ACTL6B: variants seen among roughly 807,000 people sequenced by gnomAD.
The protein encoded by ACTL6B is actin-like protein 6B.
ACTL6B carries 48 observed loss-of-function variants against 63.3 expected under a neutral mutation model. The observed-to-expected ratio is 0.76, with a 90% CI of 0.60 to 0.96. The LOEUF (loss-of-function observed/expected upper bound fraction) is 0.96, where lower values mean the gene tolerates loss of function less well. ACTL6B is among the 50% of genes least tolerant of loss of function. The pLI, the probability that ACTL6B is intolerant of heterozygous loss-of-function variation, is 0.00. For missense variants in ACTL6B, 350 were observed against 572.2 expected (o/e 0.61, Z 3.96); for synonymous variants, 230 against 223.8 (o/e 1.03, Z -0.25).
chr7:100,655,785 G>A lies in ACTL6B; in HGVS notation c.102+18C>T. Reference sequence around the variant, plus strand: ...GTCCGAAGCCCCTAGGATTTGGAGAGGAGACTGGAAGGCTCACCTTGGGAC... The same window carrying A: ...GTCCGAAGCCCCTAGGATTTGGAGAAGAGACTGGAAGGCTCACCTTGGGAC... On this transcript the variant is annotated intron_variant, in intron 2 of 13. Coordinates refer to ENST00000160382, the MANE Select transcript of ACTL6B (RefSeq NM_016188.5). The surrounding 1 kb of genome is among the most constrained non-coding windows in gnomAD (Gnocchi z 4.4). 6.4e-7 allele frequency: 1 copy of A among 1,559,494 alleles called. No individual in the cohort carries two copies. Among genetic ancestry groups the A allele is most frequent in the Non-Finnish European group, 8.7e-7 (1 of 1,151,300 alleles).
chr7:100,649,165 C>T (rs1168402918), intron 5 of ACTL6B, among the ~76,000 whole-genome samples: 1 of 150,894 alleles, frequency 6.6e-6, no homozygotes, highest in African/African-American at 2.4e-5. Context: ...GCCAATTTTT[C>T]GTATTTTTAG....
intron 5 of ACTL6B, among the ~76,000 whole-genome samples, chr7:100,649,646 C>T (rs767460970): frequency 5.9e-5 from 9 of 152,180 alleles, no homozygotes; most frequent in African/African-American, 1.2e-4. Context: ...AAATTAGGGT[C>T]GCTATCACCC....
chr7:100,652,914 T>TGG (rs1803967022), intron 4 of ACTL6B, among the ~76,000 whole-genome samples: 7 of 131,496 alleles, frequency 5.3e-5, no homozygotes, highest in African/African-American at 2.0e-4. Flanking sequence ...GGCAGGAGAA[T>TGG]CACTTGAACC....
chr7:100,655,367 T>G lies in ACTL6B; in HGVS notation c.268+54A>C. 9 of 1,574,668 alleles carry G rather than the reference T, an allele frequency of 5.7e-6. No homozygotes were observed. Among genetic ancestry groups the G allele is most frequent in the Non-Finnish European group, 7.8e-6 (9 of 1,156,846 alleles). ...GGAGTGGGGGCTGCTATGACCCAGA[T>G]TGTGGGGAGCGGGCTCCTTTTCTGT... On this transcript the variant is annotated intron_variant, in intron 3 of 13. Transcript: ENST00000160382. The surrounding 1 kb of genome is among the most constrained non-coding windows in gnomAD (Gnocchi z 4.4).
intron 13 of ACTL6B, 60 bp from the exon 14 acceptor site, chr7:100,643,386 G>A (rs1803759510): frequency 1.3e-6 from 2 of 1,574,930 alleles, no homozygotes; most frequent in Admixed American, 1.7e-5. Context: ...TGGACAGGCA[G>A]GTGCAGCCCC....
intron 13 of ACTL6B, among the ~76,000 whole-genome samples, chr7:100,644,180 G>T (rs759442778): frequency 1.3e-5 from 2 of 152,186 alleles, no homozygotes; most frequent in African/African-American, 2.4e-5. Flanking sequence ...GATTACAAGC[G>T]TGAGCCACCG....
Position 100,649,678 on chromosome 7 carries a change from A to G in ACTL6B, c.467+360T>C, listed in dbSNP as rs1032787461. ...ACCCCAGTGCATAGCACAGGGTTCA[A>G]TGCAAGGCAGATCCTAAAAACAGTC... is the stretch of plus-strand genomic sequence containing the variant. On this transcript the variant is annotated intron_variant, in intron 5 of 13. Coordinates refer to ENST00000160382, the MANE Select transcript of ACTL6B (RefSeq NM_016188.5). Among the ~76,000 whole-genome samples the G allele has an allele frequency of 3.9e-5, 6 of 152,220 alleles. No individual in the cohort carries two copies. The East Asian group carries it at 1.2e-3, about 29-fold the overall frequency.
intron 4 of ACTL6B, among the ~76,000 whole-genome samples, chr7:100,651,422 G>A (rs1046329553): frequency 6.6e-6 from 1 of 151,802 alleles, no homozygotes. Flanking sequence ...GTGATGGGAG[G>A]TGCCTGTAAT....
chr7:100,646,255 G>C lies in ACTL6B; in HGVS notation c.1194C>G (p.Ala398=), dbSNP rs777230867. Residue 398 remains alanine, a synonymous_variant, in exon 13 of 14, where the codon GCC becomes GCG. Transcript: ENST00000160382. The surrounding 1 kb of genome is among the most constrained non-coding windows in gnomAD (Gnocchi z 6.1). ...FSPWIGGSIL[A]SLGTFQQMWI... ...CAGGTCCCTTTCCTCTCACCAGTGA[G>C]GCCAGGATGGAACCCCCGATCCAGG... 6.8e-6 allele frequency: 11 copies of C among 1,614,134 alleles called. No homozygotes were observed. In the South Asian group the frequency reaches 1.1e-4, roughly 16 times the overall value.
intron 4 of ACTL6B, among the ~76,000 whole-genome samples, chr7:100,654,276 A>G (rs182045200): frequency 6.6e-6 from 1 of 151,380 alleles, no homozygotes; most frequent in African/African-American, 2.4e-5. Flanking sequence ...CCGGCAAAAA[A>G]TTTTTAATTT....
intron 4 of ACTL6B, among the ~76,000 whole-genome samples, chr7:100,650,811 T>C (rs1353494038): frequency 2.6e-5 from 4 of 151,274 alleles, no homozygotes; most frequent in Non-Finnish European, 1.5e-5. Flanking sequence ...AGATGGAAAA[T>C]ATAAGAGAAA....
Position 100,652,999 on chromosome 7 carries a change from C to CAAAAAAAAAAAA in ACTL6B, c.369+2008_369+2019dup, listed in dbSNP as rs58707737. Among the ~76,000 whole-genome samples, 8 of 25,946 alleles carry CAAAAAAAAAAAA rather than the reference C, an allele frequency of 3.1e-4. 1 individual carries two copies. Among genetic ancestry groups the CAAAAAAAAAAAA allele is most frequent in the Admixed American group, 7.5e-4 (1 of 1,332 alleles). 17.0% of individuals were successfully genotyped at this position (25,946 alleles called of 152,430 possible). A position where few individuals can be genotyped will look rare whatever the true frequency, so the allele number is the denominator to read the frequency against. ...CTGGTGACAGAGCAAAACTCCGTCT[C>CAAAAAAAAAAAA]AAAAAAAAAAAAAAAAAAAAAAAAA... is the stretch of plus-strand genomic sequence containing the variant. On this transcript the variant is annotated intron_variant, in intron 4 of 13. Transcript: ENST00000160382.
chr7:100,647,802 A>G lies in ACTL6B; in HGVS notation c.670-269T>C. 2.2e-6 allele frequency: 1 copy of G among 456,684 alleles called. No individual in the cohort carries two copies. The highest frequency in any genetic ancestry group is 4.1e-5 in the South Asian group (1 of 24,132). 28.3% of individuals were successfully genotyped at this position (456,684 alleles called of 1,614,324 possible). Reference sequence around the variant, plus strand: ...CAGAACCTCAAGGGAATGGCCTCCTAGGGGGTCATGATCCATGTGAGGGCA... The same window carrying G: ...CAGAACCTCAAGGGAATGGCCTCCTGGGGGGTCATGATCCATGTGAGGGCA... On this transcript the variant is annotated intron_variant, in intron 7 of 13. Coordinates refer to ENST00000160382, the MANE Select transcript of ACTL6B (RefSeq NM_016188.5). The surrounding 1 kb of genome is among the most constrained non-coding windows in gnomAD (Gnocchi z 4.4).
chr7:100,655,529 G>A lies in ACTL6B; in HGVS notation c.160C>T (p.Leu54=). 1.2e-6 allele frequency: 2 copies of A among 1,614,072 alleles called. No homozygotes were observed. The highest frequency in any genetic ancestry group is 1.1e-5 in the South Asian group (1 of 91,074). The change falls in exon 3 of 14, where the codon CTG becomes TTG. Residue 54 remains leucine (L), a synonymous_variant. Transcript: ENST00000160382. The surrounding 1 kb of genome is among the most constrained non-coding windows in gnomAD (Gnocchi z 4.4). ...CCTTTCTTCTCTTTGTCCCCCTCCA[G>A]CTCCAGCCCGCCCCCCTCCTCCGCG... ...LAAEEGGGLE[L]EGDKEKKGKI...
intron 4 of ACTL6B, among the ~76,000 whole-genome samples, chr7:100,651,692 T>C (rs768082464): frequency 6.6e-6 from 1 of 152,102 alleles, no homozygotes; most frequent in Non-Finnish European, 1.5e-5. Context: ...CAAGCAATTC[T>C]CTTGCCTCAG....
At position 100,648,810 on chromosome 7, in the gene ACTL6B, G is replaced by C; in HGVS notation, c.481C>G (p.Arg161Gly). ...TAVLTAFANG[R>G]STGLVLDSGA... Reference sequence around the variant, plus strand: ...CTGTCCAGCACGAGGCCAGTGGACCGCCCGTTTGCAAAGCTGGCATCGGAT... The same window carrying C: ...CTGTCCAGCACGAGGCCAGTGGACCCCCCGTTTGCAAAGCTGGCATCGGAT... The change falls in exon 6 of 14, where the codon CGG (arginine) becomes GGG (glycine). Residue 161 changes from arginine (R) to glycine (G), a missense_variant. Around this residue, in one of 3 missense-constraint regions of ACTL6B, gnomAD observed 250 missense variants for 364.7 expected, o/e 0.69. Transcript: ENST00000160382. This position sits in a 1 kb window ranked among gnomAD's most constrained non-coding sequence, Gnocchi z 4.4. 6.2e-7 allele frequency: 1 copy of C among 1,613,552 alleles called. No homozygotes were observed. Among genetic ancestry groups the C allele is most frequent in the Non-Finnish European group, 8.5e-7 (1 of 1,179,796 alleles).
intron 13 of ACTL6B, among the ~76,000 whole-genome samples, chr7:100,643,665 A>G (rs970296839): frequency 2.6e-5 from 4 of 151,848 alleles, no homozygotes; most frequent in African/African-American, 9.7e-5. Flanking sequence ...CACCCCCTAC[A>G]CACACACAGT....
Position 100,648,657 on chromosome 7 carries a change from C to T in ACTL6B, c.568G>A (p.Val190Ile). The change falls in exon 7 of 14, where the codon GTC becomes ATC. Residue 190 changes from valine (V) to isoleucine (I), a missense_variant. Physicochemically the swap from Val to Ile is conservative, Grantham distance 29 (BLOSUM62 3). Transcript: ENST00000160382. This position sits in a 1 kb window ranked among gnomAD's most constrained non-coding sequence, Gnocchi z 4.4. ...AAGTCCCCTGCCAGAGGGGACTTGACGATGCCTAGAAGGAAGGCACTGTCA... is the reference window on the plus strand; with the variant it reads ...AAGTCCCCTGCCAGAGGGGACTTGATGATGCCTAGAAGGAAGGCACTGTCA... The part of the protein sequence containing the change: ...HDGYVLQQGI[V>I]KSPLAGDFIS... The T allele has an allele frequency of 6.2e-7, 1 of 1,611,836 alleles. No homozygotes were observed. Among genetic ancestry groups the T allele is most frequent in the Non-Finnish European group, 8.5e-7 (1 of 1,178,728 alleles).
Position 100,655,755 on chromosome 7 carries a change from G to C in ACTL6B, c.102+48C>G, listed in dbSNP as rs377453265. On this transcript the variant is annotated intron_variant, in intron 2 of 13. Transcript: ENST00000160382. This position sits in a 1 kb window ranked among gnomAD's most constrained non-coding sequence, Gnocchi z 4.4. ...GCCCTGGGTCACTGGAAAGCCTGAA[G>C]AAGGGTCCGAAGCCCCTAGGATTTG... is the stretch of plus-strand genomic sequence containing the variant. 3.7e-5 allele frequency: 57 copies of C among 1,542,260 alleles called. No individual in the cohort carries two copies. In the African/African-American group the frequency reaches 4.4e-4, roughly 12 times the overall value.
Sources: gnomAD v4.1 joint callset for allele counts (sites outside exome capture counted in the v4.1 genomes callset) on GRCh38, gnomAD v4.1.1 for gene constraint, gnomAD v4.1.1 regional missense constraint, Gnocchi (gnomAD v3.1) non-coding constraint, MANE v1.5 for transcripts, NCBI Gene and HGNC (gene_info 2026-07-23, HGNC 2026-07-21) for gene names.